XPA: variants seen among roughly 807,000 people sequenced by gnomAD.
The protein encoded by XPA is DNA repair protein complementing XP-A cells.
Under a neutral mutation model 35.7 loss-of-function variants are expected in XPA, and 27 were observed. The ratio of observed to expected loss-of-function variants is 0.76; its 90% CI spans 0.56 to 1.04. XPA has a LOEUF of 1.04. Among genes scored for constraint, XPA ranks in the 50% least tolerant of loss-of-function variants. The probability of loss-of-function intolerance (pLI) is 0.00; values close to 1 mark genes in which losing one functional copy is unlikely to be tolerated. For synonymous variants in XPA, 133 were observed against 118.4 expected, an observed-to-expected ratio of 1.12 and a Z score of -0.80; for missense variants, 354 against 342.7, an observed-to-expected ratio of 1.03 and a Z score of -0.26.
the XPA span, chr9:97,655,006 G>A: frequency 1.5e-6 from 2 of 1,302,026 alleles, no homozygotes; most frequent in Non-Finnish European, 2.1e-6. Flanking sequence ...ACTTCATAAA[G>A]GAATTTGAGA....
At chr9:97,660,112 A>T in the XPA span, among the ~76,000 whole-genome samples, 76 of 152,326 alleles carry the variant, frequency 5.0e-4, no homozygotes, top group Non-Finnish European at 1.0e-3. Flanking sequence ...CCCAGCTAGA[A>T]TGTAGACTGG....
chr9:97,672,353 G>A (rs1828217677), downstream of XPA: 1 of 151,980 alleles, frequency 6.6e-6, no homozygotes, highest in Non-Finnish European at 1.5e-5. Flanking sequence ...TAAGCGTTTT[G>A]CATATTTTGA....
chr9:97,660,247 A>G, the XPA span, among the ~76,000 whole-genome samples: 3 of 152,178 alleles, frequency 2.0e-5, no homozygotes, highest in East Asian at 1.9e-4. Flanking sequence ...CTCATACTCT[A>G]TAACAGGATT....
At chr9:97,681,579 C>T (rs1229479129) in intron 5 of XPA, among the ~76,000 whole-genome samples, 2 of 152,012 alleles carry the variant, frequency 1.3e-5, no homozygotes, top group East Asian at 1.9e-4. Flanking sequence ...TAACCTCTAC[C>T]AGTATGGAAT....
rs144242004 is a variant in XPA at position 97,681,051 on chromosome 9, A to G, written c.673+3872T>C. Among the ~76,000 whole-genome samples, 114 of 152,338 alleles carry G rather than the reference A, an allele frequency of 7.5e-4. 1 individual carries two copies. Among genetic ancestry groups the G allele is most frequent in the African/African-American group, 2.6e-3 (110 of 41,590 alleles). ...TTACTGATATATTCAGGGACTGCTT[A>G]TACTTTTTACAGACGAAAAAATTCT... On this transcript the variant is annotated intron_variant, in intron 5 of 5. Coordinates refer to ENST00000375128, the MANE Select transcript of XPA (RefSeq NM_000380.4).
At chr9:97,675,793 C>T (rs1214507991) in intron 5 of XPA, 4 of 626,002 alleles carry the variant, frequency 6.4e-6, no homozygotes, top group Non-Finnish European at 1.1e-5. Context: ...GCCTGTGAAT[C>T]AAGTTGTCAC....
the XPA span, chr9:97,668,803 G>C: frequency 6.3e-7 from 1 of 1,593,764 alleles, no homozygotes; most frequent in South Asian, 1.1e-5. Context: ...TAACACACTG[G>C]AATCTAAATG....
chr9:97,685,365 A>G (rs566640161), intron 4 of XPA, among the ~76,000 whole-genome samples: 104 of 152,316 alleles, frequency 6.8e-4, no homozygotes, highest in African/African-American at 2.3e-3. Flanking sequence ...CCAAAGAAAC[A>G]GTTTGTTGAC....
At chr9:97,663,904 C>T in the XPA span, among the ~76,000 whole-genome samples, 4 of 151,826 alleles carry the variant, frequency 2.6e-5, no homozygotes, top group Admixed American at 1.3e-4. Context: ...TCAGGCCAGG[C>T]GTGGTGGCTC....
chr9:97,675,854 A>G (rs1362071298), intron 5 of XPA: 1 of 515,840 alleles, frequency 1.9e-6, no homozygotes, highest in Non-Finnish European at 3.5e-6. Context: ...GGTTGGTGGT[A>G]TGCAAAACAG....
At chr9:97,685,122 AC>A in intron 4 of XPA, 82 bp from the exon 5 acceptor site, 1 of 1,113,938 alleles carries the variant, frequency 9.0e-7, no homozygotes, top group Non-Finnish European at 1.3e-6. Flanking sequence ...ATCCAAAGGT[AC>A]CAAAGAATGA....
At chr9:97,667,223 C>CTATAGAT in the XPA span, among the ~76,000 whole-genome samples, 2 of 152,080 alleles carry the variant, frequency 1.3e-5, no homozygotes, top group African/African-American at 4.8e-5. Context: ...AGGGAGAGGA[C>CTATAGAT]TATAGATACT....
intron 5 of XPA, chr9:97,682,081 TC>T (rs2131388841): frequency 3.2e-6 from 1 of 310,308 alleles, no homozygotes; most frequent in South Asian, 3.0e-5. Context: ...TATCTATCTA[TC>T]TATCTATACA....
the XPA span, chr9:97,655,653 C>G: frequency 2.0e-6 from 3 of 1,473,946 alleles, no homozygotes; most frequent in African/African-American, 4.3e-5. Context: ...TGTTCTAAAT[C>G]CCAGTTATTC....
At chr9:97,670,176 A>C, downstream of XPA, 1 of 228,850 alleles carries the variant, frequency 4.4e-6, no homozygotes, top group Admixed American at 4.9e-5. Context: ...CCGCCTCCCA[A>C]AGTGCTGCTG....
chr9:97,654,963 TGCTGA>T, the XPA span: 1 of 1,546,012 alleles, frequency 6.5e-7, no homozygotes, highest in South Asian at 1.2e-5. Context: ...ATCGCTTTAC[TGCTGA>T]GCTGAGTTAG....
At chr9:97,688,053 AAACT>A (rs1187161905) in intron 3 of XPA, among the ~76,000 whole-genome samples, 6 of 152,206 alleles carry the variant, frequency 3.9e-5, no homozygotes, top group African/African-American at 9.6e-5. Context: ...TCAGAAGTAT[AAACT>A]AACAGGAGAC....
chr9:97,693,791 G>T, intron 1 of XPA, 32 bp from the exon 2 acceptor site: 1 of 1,595,670 alleles, frequency 6.3e-7, no homozygotes, highest in Non-Finnish European at 8.6e-7. Flanking sequence ...GTCAACAATT[G>T]AAGTAGGTAA....
chr9:97,686,487 T>C (rs1222624795), intron 4 of XPA, among the ~76,000 whole-genome samples: 1 of 152,224 alleles, frequency 6.6e-6, no homozygotes, highest in Non-Finnish European at 1.5e-5. Context: ...TTTTTCTTTT[T>C]TTAAAATATT....
Sources: gnomAD v4.1 joint callset for allele counts (sites outside exome capture counted in the v4.1 genomes callset) on GRCh38, gnomAD v4.1.1 for gene constraint, MANE v1.5 for transcripts, NCBI Gene and HGNC (gene_info 2026-07-23, HGNC 2026-07-21) for gene names.